The following UNC13B variants were observed in gnomAD, a reference collection of about 807,000 sequenced individuals.
UNC13B encodes protein unc-13 homolog B.
A neutral mutation model predicts 211.0 loss-of-function variants in UNC13B; 144 were observed. The ratio of observed to expected loss-of-function variants is 0.68; its 90% CI spans 0.60 to 0.78. The LOEUF is 0.78. Among genes scored for constraint, UNC13B ranks in the 30% least tolerant of loss-of-function variants. The probability of loss-of-function intolerance (pLI) is 0.00; values close to 1 mark genes in which losing one functional copy is unlikely to be tolerated. For missense variants in UNC13B, 1,777 were observed against 2,002.0 expected, an observed-to-expected ratio of 0.89 and a Z score of 2.14; for synonymous variants, 709 against 725.8, an observed-to-expected ratio of 0.98 and a Z score of 0.37.
chr9:35,280,611 G>A (rs1828429426), intron 7 of UNC13B, among the ~76,000 whole-genome samples: 1 of 152,136 alleles, frequency 6.6e-6, no homozygotes, highest in Non-Finnish European at 1.5e-5. Flanking sequence ...TTTTACACTA[G>A]ATATGTGGTA....
intron 11 of UNC13B, among the ~76,000 whole-genome samples, chr9:35,357,585 T>G (rs1023820736): frequency 6.6e-6 from 1 of 151,310 alleles, no homozygotes; most frequent in Non-Finnish European, 1.5e-5. Context: ...ATTGTTTTTT[T>G]TTTTTTTTTT....
intron 1 of UNC13B, among the ~76,000 whole-genome samples, chr9:35,173,609 A>G (rs1398034135): frequency 1.3e-5 from 2 of 151,864 alleles, no homozygotes; most frequent in African/African-American, 2.4e-5. Flanking sequence ...TTTTTGGTAG[A>G]GATGGGGTTT....
intron 11 of UNC13B, among the ~76,000 whole-genome samples, chr9:35,314,829 T>C (rs61633167): frequency 0.03 from 4,464 of 150,426 alleles, 221 homozygotes; most frequent in African/African-American, 0.1. Flanking sequence ...ACCACATTTT[T>C]AAAAGCCAAA....
At chr9:35,172,898 G>A (rs190280027) in intron 1 of UNC13B, among the ~76,000 whole-genome samples, 1 of 152,234 alleles carries the variant, frequency 6.6e-6, no homozygotes, top group African/African-American at 2.4e-5. Context: ...TAGTCATTAG[G>A]AAATATAGGT....
chr9:35,299,691 G>C (rs547705566), intron 8 of UNC13B, among the ~76,000 whole-genome samples: 1 of 152,108 alleles, frequency 6.6e-6, no homozygotes, highest in Non-Finnish European at 1.5e-5. Context: ...AGAACATGTG[G>C]ATTTCCTTTT....
At chr9:35,167,626 T>A (rs1223743473) in intron 1 of UNC13B, among the ~76,000 whole-genome samples, 2 of 145,122 alleles carry the variant, frequency 1.4e-5, no homozygotes, top group African/African-American at 2.6e-5. Flanking sequence ...CTCACACTGT[T>A]GCTCAGGCTG....
chr9:35,401,249 C>G (rs540139805), intron 37 of UNC13B, among the ~76,000 whole-genome samples: 48 of 152,274 alleles, frequency 3.2e-4, no homozygotes, highest in African/African-American at 1.1e-3. Context: ...GTGTGTGAAT[C>G]TGGGGCACAG....
intron 11 of UNC13B, among the ~76,000 whole-genome samples, chr9:35,319,449 G>T (rs1373322133): frequency 6.9e-6 from 1 of 145,708 alleles, no homozygotes; most frequent in Non-Finnish European, 1.5e-5. Flanking sequence ...AGATACAGGG[G>T]ATACCTGTGC....
chr9:35,188,432 A>T (rs924060589), intron 1 of UNC13B, among the ~76,000 whole-genome samples: 1 of 152,238 alleles, frequency 6.6e-6, no homozygotes, highest in South Asian at 2.1e-4. Context: ...ATACTTAGAC[A>T]TTAGAATTTT....
chr9:35,197,470 A>T (rs1483058955), intron 1 of UNC13B, among the ~76,000 whole-genome samples: 1 of 152,212 alleles, frequency 6.6e-6, no homozygotes, highest in Non-Finnish European at 1.5e-5. Context: ...AGCCTCCCAA[A>T]GTGTTGGGAT....
intron 7 of UNC13B, among the ~76,000 whole-genome samples, chr9:35,279,687 C>T (rs1039196163): frequency 3.9e-5 from 6 of 152,028 alleles, no homozygotes; most frequent in Non-Finnish European, 5.9e-5. Context: ...GCTAAAAGTG[C>T]GATTGCTGGG....
intron 11 of UNC13B, among the ~76,000 whole-genome samples, chr9:35,326,922 T>C (rs1046856857): frequency 6.6e-6 from 1 of 152,216 alleles, no homozygotes; most frequent in African/African-American, 2.4e-5. Flanking sequence ...TGTCTTTTTG[T>C]TGTTGAGTTG....
chr9:35,399,495 T>G, intron 35 of UNC13B, 47 bp downstream of exon 35: 1 of 1,613,080 alleles, frequency 6.2e-7, no homozygotes, highest in Non-Finnish European at 8.5e-7. Context: ...CCTTCTGAAG[T>G]CATGGAGAGA....
In UNC13B at chr9:35,257,308, A is replaced by AATATAAATATTTATAAAAATATTT. The variant is rs1478218378; in HGVS notation, c.469-1642_469-1619dup. On this transcript the variant is annotated intron_variant, in intron 6 of 39. Transcript: ENST00000635942. ...ACCCCCATTTTTTATATTTATAAAA[A>AATATAAATATTTATAAAAATATTT]ATATAAATATTTATAAAAATATTTA... Among the ~76,000 whole-genome samples, 6 of 98,340 alleles carry AATATAAATATTTATAAAAATATTT rather than the reference A, an allele frequency of 6.1e-5. 2 individuals carry two copies. The highest frequency in any genetic ancestry group is 2.1e-4 in the African/African-American group (6 of 28,518). 64.5% of individuals were successfully genotyped at this position (98,340 alleles called of 152,430 possible).
chr9:35,296,882 G>T (rs544740313), intron 8 of UNC13B, among the ~76,000 whole-genome samples: 1 of 152,182 alleles, frequency 6.6e-6, no homozygotes, highest in South Asian at 2.1e-4. Flanking sequence ...CACTCAAGAA[G>T]TTTAATGATG....
At position 35,302,239 on chromosome 9, in the gene UNC13B, T is replaced by A. The variant is rs1313802537; in HGVS notation, c.2835T>A (p.Ser945Arg). Residue 945 changes from serine (S) to arginine (R), a missense_variant, in exon 9 of 40, where the codon AGT becomes AGA. By Grantham distance (110) the Ser-to-Arg change is moderately radical. Transcript: ENST00000635942. ...NIHSDLGKFD[S>R]TEEFKKNDQI... ...ATAGTGATCTAGGAAAATTTGACAGTACAGAGGAATTTAAAAAGAATGACC... is the reference window on the plus strand; with the variant it reads ...ATAGTGATCTAGGAAAATTTGACAGAACAGAGGAATTTAAAAAGAATGACC... 2 of 398,542 alleles carry A rather than the reference T, an allele frequency of 5.0e-6. No homozygotes were observed. The highest frequency in any genetic ancestry group is 8.9e-6 in the Non-Finnish European group (2 of 225,790). The allele number at this position is 398,542 out of a possible 1,614,324, so 24.7% of individuals were successfully genotyped here.
chr9:35,296,145 A>G (rs1829348564), intron 8 of UNC13B, among the ~76,000 whole-genome samples: 1 of 152,204 alleles, frequency 6.6e-6, no homozygotes, highest in East Asian at 1.9e-4. Flanking sequence ...ATATTGCCAT[A>G]AGGAATACTT....
chr9:35,229,805 A>T (rs1825095276), intron 2 of UNC13B, among the ~76,000 whole-genome samples: 1 of 152,226 alleles, frequency 6.6e-6, no homozygotes, highest in Non-Finnish European at 1.5e-5. Context: ...ACACCATTTT[A>T]AATGATATTT....
intron 1 of UNC13B, among the ~76,000 whole-genome samples, chr9:35,178,885 CAAAA>C (rs35487632): frequency 1.6e-5 from 1 of 61,116 alleles, no homozygotes; most frequent in Non-Finnish European, 3.0e-5. Flanking sequence ...GAGACAGCCT[CAAAA>C]AAAAAAAAAA....
Sources: allele counts gnomAD v4.1 joint callset (sites outside exome capture counted in the v4.1 genomes callset), GRCh38; gene constraint gnomAD v4.1.1; transcripts MANE v1.5; gene names NCBI Gene and HGNC (gene_info 2026-07-23, HGNC 2026-07-21).